AGAP1: variants seen among roughly 807,000 people sequenced by gnomAD.
AGAP1 encodes the protein ArfGAP with GTPase domain, ankyrin repeat and PH domain 1, also known as arf-GAP with GTPase, ANK repeat and PH domain-containing protein 1.
In AGAP1, 29 loss-of-function variants were observed where a neutral mutation model predicts 105.3. The ratio of observed to expected loss-of-function variants is 0.28; its 90% CI spans 0.21 to 0.38. The LOEUF (loss-of-function observed/expected upper bound fraction) is 0.38. Among genes scored for constraint, AGAP1 ranks in the 10% least tolerant of loss-of-function variants. The pLI is 1.00. For missense variants in AGAP1, 998 were observed against 1,165.1 expected (o/e 0.86, Z 2.09); for synonymous variants, 509 against 485.9 (o/e 1.05, Z -0.63).
chr2:235,703,301 C>T (rs1477040729), intron 1 of AGAP1, among the ~76,000 whole-genome samples: 1 of 151,854 alleles, frequency 6.6e-6, no homozygotes, highest in Admixed American at 6.6e-5. Context: ...TCCAGGCTCA[C>T]TTGTGCCTCC....
intron 13 of AGAP1, among the ~76,000 whole-genome samples, chr2:235,991,594 T>G (rs1394267297): frequency 6.6e-6 from 1 of 152,200 alleles, no homozygotes; most frequent in Non-Finnish European, 1.5e-5. Flanking sequence ...TCGTATAAGA[T>G]TATTTTGCGA....
intron 1 of AGAP1, among the ~76,000 whole-genome samples, chr2:235,696,772 C>T (rs1389831677): frequency 6.6e-6 from 1 of 152,088 alleles, no homozygotes; most frequent in South Asian, 2.1e-4. Context: ...GCCCCGTCCC[C>T]ACCTTATACG....
At chr2:235,504,625 G>A (rs926819607) in intron 1 of AGAP1, among the ~76,000 whole-genome samples, 1 of 152,054 alleles carries the variant, frequency 6.6e-6, no homozygotes, top group Non-Finnish European at 1.5e-5. Context: ...CATTTCTGTC[G>A]GGTGTGTGCT....
chr2:235,803,129 TGTG>T (rs1483677833), intron 8 of AGAP1, among the ~76,000 whole-genome samples: 17 of 46,860 alleles, frequency 3.6e-4, no homozygotes, highest in South Asian at 1.9e-3. Flanking sequence ...TGATGATGGT[TGTG>T]GTGATGGTGA....
At chr2:235,746,421 G>A (rs1263977998) in intron 5 of AGAP1, among the ~76,000 whole-genome samples, 2 of 81,518 alleles carry the variant, frequency 2.5e-5, no homozygotes, top group African/African-American at 9.5e-5. Flanking sequence ...TAAAGCGTAC[G>A]TGGTCGCTCT....
chr2:235,585,434 C>T (rs921282552), intron 1 of AGAP1, among the ~76,000 whole-genome samples: 72 of 152,290 alleles, frequency 4.7e-4, no homozygotes, highest in African/African-American at 1.6e-3. Context: ...CCTTGCAAAA[C>T]CCCCATCTCA....
rs1942848095 is a variant in AGAP1, at chr2:235,526,613, T to C, written c.163+31764T>C. On this transcript the variant is annotated intron_variant, in intron 1 of 17. Transcript: ENST00000304032. ...ACAAGGAATGAATTATTTGGAGAAG[T>C]AAAAAAACCTTAAAAATTAAAAAAA... 2.0e-5 allele frequency among the ~76,000 whole-genome samples: 3 copies of C among 152,040 alleles called. No individual in the cohort carries two copies. The South Asian group carries it at 6.2e-4, about 32-fold the overall frequency.
intron 1 of AGAP1, among the ~76,000 whole-genome samples, chr2:235,543,088 T>TCC (rs1943500144): frequency 1.0e-4 from 7 of 67,610 alleles, no homozygotes; most frequent in Admixed American, 3.5e-4. Context: ...TGCTCCCGCC[T>TCC]CCTCCCCCTC....
intron 13 of AGAP1, among the ~76,000 whole-genome samples, chr2:236,034,253 T>C (rs984734994): frequency 6.6e-6 from 1 of 152,076 alleles, no homozygotes; most frequent in Non-Finnish European, 1.5e-5. Flanking sequence ...CACGATATCA[T>C]TGTAAGTCAG....
chr2:236,032,676 GTGA>G (rs1392492750), intron 13 of AGAP1, among the ~76,000 whole-genome samples: 1 of 152,142 alleles, frequency 6.6e-6, no homozygotes. Flanking sequence ...AAGAAAAGAG[GTGA>G]TGATCTCTCT....
Position 235,873,025 on chromosome 2 carries a change from G to T in AGAP1, c.1051-10320G>T, listed in dbSNP as rs573213714. Among the ~76,000 whole-genome samples the T allele has an allele frequency of 2.6e-5, 4 of 152,288 alleles. No individual in the cohort carries two copies. The East Asian group carries it at 7.7e-4, about 29-fold the overall frequency. On this transcript the variant is annotated intron_variant, in intron 9 of 17. Coordinates refer to ENST00000304032, the MANE Select transcript of AGAP1 (RefSeq NM_001037131.3). ...TGCCCCAGGAGGGCAGAGGACCCTG[G>T]CTCTTTCCAAGGGAGATCATCCAGG...
rs1297193791 is a variant in AGAP1 at position 235,982,437 on chromosome 2, A to G, written c.1645+13814A>G. Reference sequence around the variant, plus strand: ...CTGGGAGGGTCATAGCTAGGAGGTCAGAAGGAAGGGGGGACGATTCATGCA... The same window carrying G: ...CTGGGAGGGTCATAGCTAGGAGGTCGGAAGGAAGGGGGGACGATTCATGCA... On this transcript the variant is annotated intron_variant, in intron 13 of 17. Transcript: ENST00000304032. The surrounding 1 kb of genome is among the most constrained non-coding windows in gnomAD (Gnocchi z 4.9). 1.3e-5 allele frequency among the ~76,000 whole-genome samples: 2 copies of G among 152,204 alleles called. No individual in the cohort carries two copies. The highest frequency in any genetic ancestry group is 4.8e-5 in the African/African-American group (2 of 41,454).
In AGAP1 at chr2:235,962,644, G is replaced by A. The variant is rs1259367109; in HGVS notation, c.1484-5818G>A. ...CAGGGCAGAAGAGATTCATGAGGGTGGAGTGGCACAGAGGCCAGGGTGCTG... is the reference window on the plus strand; with the variant it reads ...CAGGGCAGAAGAGATTCATGAGGGTAGAGTGGCACAGAGGCCAGGGTGCTG... On this transcript the variant is annotated intron_variant, in intron 12 of 17. Coordinates refer to ENST00000304032, the MANE Select transcript of AGAP1 (RefSeq NM_001037131.3). The surrounding 1 kb of genome is among the most constrained non-coding windows in gnomAD (Gnocchi z 5.3). 6.6e-6 allele frequency among the ~76,000 whole-genome samples: 1 copy of A among 152,108 alleles called. No homozygotes were observed. The highest frequency in any genetic ancestry group is 2.4e-5 in the African/African-American group (1 of 41,426).
rs546515329 is a variant in AGAP1, at chr2:236,119,907, A to G, written c.2115-285A>G. 2.3e-4 allele frequency among the ~76,000 whole-genome samples: 35 copies of G among 152,256 alleles called. No homozygotes were observed. In the South Asian group the frequency reaches 5.4e-3, roughly 23 times the overall value. On this transcript the variant is annotated intron_variant, in intron 16 of 17. Coordinates refer to ENST00000304032, the MANE Select transcript of AGAP1 (RefSeq NM_001037131.3). This position sits in a 1 kb window ranked among gnomAD's most constrained non-coding sequence, Gnocchi z 6.6. ...TCAGCGGCTCTCACACCTTGGGCCT[A>G]TTGGAATCCCCTGCAGGGCTTCTTA...
rs1947224233 is a variant in AGAP1 at position 235,642,280 on chromosome 2, G to T, written c.164-66899G>T. On this transcript the variant is annotated intron_variant, in intron 1 of 17. Transcript: ENST00000304032. The surrounding 1 kb of genome is among the most constrained non-coding windows in gnomAD (Gnocchi z 4.1). ...TCCTCACATTTGGGGGCATTCAGTG[G>T]GGGAGGATTTACAAAGAAACTTGAG... is the stretch of plus-strand genomic sequence containing the variant. Among the ~76,000 whole-genome samples, 1 of 152,110 alleles carries T rather than the reference G, an allele frequency of 6.6e-6. No homozygotes were observed. The highest frequency in any genetic ancestry group is 2.4e-5 in the African/African-American group (1 of 41,410).
In AGAP1 at chr2:236,087,117, C is replaced by T. The variant is rs1341973392; in HGVS notation, c.2115-33075C>T. Among the ~76,000 whole-genome samples the T allele has an allele frequency of 6.6e-6, 1 of 152,158 alleles. No homozygotes were observed. The highest frequency in any genetic ancestry group is 2.4e-5 in the African/African-American group (1 of 41,438). ...ACACACACTCCCTCTGAATAGCTCC[C>T]TAAAAACAGAGCTGAAAAGGAAGAA... is the stretch of plus-strand genomic sequence containing the variant. On this transcript the variant is annotated intron_variant, in intron 16 of 17. Coordinates refer to ENST00000304032, the MANE Select transcript of AGAP1 (RefSeq NM_001037131.3). This position sits in a 1 kb window ranked among gnomAD's most constrained non-coding sequence, Gnocchi z 5.7.
intron 1 of AGAP1, among the ~76,000 whole-genome samples, chr2:235,510,877 C>T (rs1041518478): frequency 3.3e-5 from 5 of 149,626 alleles, no homozygotes; most frequent in African/African-American, 1.2e-4. Flanking sequence ...TAGAAGGTCG[C>T]AAAATCCAAG....
chr2:235,920,025 C>T (rs1335425498), intron 11 of AGAP1, among the ~76,000 whole-genome samples: 1 of 152,108 alleles, frequency 6.6e-6, no homozygotes, highest in African/African-American at 2.4e-5. Flanking sequence ...TTGCAAAGGT[C>T]GGAATAAGAC....
At chr2:235,826,537 C>G (rs1484525703) in intron 9 of AGAP1, among the ~76,000 whole-genome samples, 1 of 152,106 alleles carries the variant, frequency 6.6e-6, no homozygotes, top group Admixed American at 6.5e-5. Context: ...GCAACCTCCA[C>G]CTCCCAGGTT....
Sources: allele counts gnomAD v4.1 joint callset (sites outside exome capture counted in the v4.1 genomes callset), GRCh38; gene constraint gnomAD v4.1.1; non-coding constraint Gnocchi (gnomAD v3.1); transcripts MANE v1.5; gene names NCBI Gene and HGNC (gene_info 2026-07-23, HGNC 2026-07-21).